SAMD5: variants seen among roughly 807,000 people sequenced by gnomAD.
SAMD5 encodes the protein sterile alpha motif domain-containing protein 5.
Under a neutral mutation model 11.3 loss-of-function variants are expected in SAMD5, and 13 were observed. That is an observed-to-expected ratio of 1.15 (90% CI 0.75 to 1.83). The LOEUF (loss-of-function observed/expected upper bound fraction) is 1.83. SAMD5 is among the 40% of genes most tolerant of loss of function. SAMD5 has a pLI of 0.00. For missense variants in SAMD5, 255 were observed against 239.1 expected, an observed-to-expected ratio of 1.07 and a Z score of -0.44; for synonymous variants, 129 against 111.3, an observed-to-expected ratio of 1.16 and a Z score of -1.00.
At chr6:147,932,588 TTGTGTGTGTGTG>T in the SAMD5 span, among the ~76,000 whole-genome samples, 9,587 of 131,120 alleles carry the variant, frequency 0.073, 622 homozygotes, top group African/African-American at 0.18. Context: ...TCTTACAGAA[TTGTGTGTGTGTG>T]TGTGTGTGTG....
At chr6:147,737,494 GT>G in exon 2 of SAMD5, 1 of 355,682 alleles carries the variant, frequency 2.8e-6, no homozygotes, top group South Asian at 2.3e-5. Context: ...TGAAGGCAGT[GT>G]TTGTATGATG....
chr6:147,881,004 T>A, the SAMD5 span, among the ~76,000 whole-genome samples: 2 of 152,278 alleles, frequency 1.3e-5, no homozygotes, highest in South Asian at 4.1e-4. Flanking sequence ...CCTTTTTAAC[T>A]TTTACTTGAG....
chr6:147,707,292 T>C (rs1791337037), intron 1 of SAMD5, among the ~76,000 whole-genome samples: 1 of 152,248 alleles, frequency 6.6e-6, no homozygotes. Flanking sequence ...GCTAGACTGA[T>C]TTTTTATGAC....
intron 1 of SAMD5, among the ~76,000 whole-genome samples, chr6:147,563,317 G>C (rs946453653): frequency 6.6e-6 from 1 of 152,180 alleles, no homozygotes; most frequent in African/African-American, 2.4e-5. Context: ...CTTTTAAAGA[G>C]TCTTGATGAT....
chr6:147,640,791 C>G (rs1399531031), intron 1 of SAMD5, among the ~76,000 whole-genome samples: 3 of 152,178 alleles, frequency 2.0e-5, no homozygotes, highest in Non-Finnish European at 4.4e-5. Flanking sequence ...CCAAGCCAAA[C>G]AGCCACAGGC....
In SAMD5 at chr6:147,672,094, C is replaced by T. The variant is rs1458163980; in HGVS notation, c.163-65223C>T. Among the ~76,000 whole-genome samples the T allele has an allele frequency of 2.6e-5, 4 of 151,822 alleles. No individual in the cohort carries two copies. In the East Asian group the frequency reaches 7.7e-4, roughly 29 times the overall value. ...GGAACATGGTTAACCTCTCTACTTACAGATTTTTATTTGTAGCTTTTTATA... is the reference window on the plus strand; with the variant it reads ...GGAACATGGTTAACCTCTCTACTTATAGATTTTTATTTGTAGCTTTTTATA... On this transcript the variant is annotated intron_variant, in intron 1 of 1. Coordinates refer to the SAMD5 transcript ENST00000566741.
chr6:147,634,171 C>A (rs190492144), intron 1 of SAMD5, among the ~76,000 whole-genome samples: 1 of 152,150 alleles, frequency 6.6e-6, no homozygotes, highest in African/African-American at 2.4e-5. Context: ...AAAGAACTAC[C>A]TGAGACTGGG....
At chr6:147,604,780 A>G (rs145862670) in intron 1 of SAMD5, among the ~76,000 whole-genome samples, 1 of 152,332 alleles carries the variant, frequency 6.6e-6, no homozygotes, top group African/African-American at 2.4e-5. Context: ...AGCTTTCTAC[A>G]TACGTCTTCT....
At chr6:147,862,503 C>T in the SAMD5 span, among the ~76,000 whole-genome samples, 5 of 152,182 alleles carry the variant, frequency 3.3e-5, no homozygotes, top group African/African-American at 1.2e-4. Context: ...TCCACGCACC[C>T]CCTCTGCTCT....
chr6:147,534,761 AGG>A (rs1788482815), intron 1 of SAMD5, among the ~76,000 whole-genome samples: 1 of 152,166 alleles, frequency 6.6e-6, no homozygotes, highest in South Asian at 2.1e-4. Flanking sequence ...CACTGATCTT[AGG>A]AGCAGTTCAG....
chr6:147,533,024 T>C (rs988343153), intron 1 of SAMD5, among the ~76,000 whole-genome samples: 2 of 152,078 alleles, frequency 1.3e-5, no homozygotes, highest in South Asian at 2.1e-4. Flanking sequence ...ACCTCCTGTG[T>C]TGTCCTCCCT....
At chr6:147,941,443 C>T in the SAMD5 span, among the ~76,000 whole-genome samples, 1 of 152,214 alleles carries the variant, frequency 6.6e-6, no homozygotes, top group Non-Finnish European at 1.5e-5. Flanking sequence ...CCAAACGTGC[C>T]TGCATTTGTA....
chr6:147,687,420 A>C (rs1328320004), intron 1 of SAMD5, among the ~76,000 whole-genome samples: 1 of 151,118 alleles, frequency 6.6e-6, no homozygotes, highest in Non-Finnish European at 1.5e-5. Context: ...GGGACCACAG[A>C]CATGCGCCAC....
At chr6:147,878,664 T>C in the SAMD5 span, among the ~76,000 whole-genome samples, 1 of 149,048 alleles carries the variant, frequency 6.7e-6, no homozygotes, top group Non-Finnish European at 1.5e-5. Context: ...CATGTATCTA[T>C]ATATCTATAT....
chr6:147,518,193 G>GT (rs1313622638), intron 1 of SAMD5, among the ~76,000 whole-genome samples: 1 of 152,178 alleles, frequency 6.6e-6, no homozygotes, highest in East Asian at 1.9e-4. Flanking sequence ...GATTTGGATA[G>GT]TGTAACGGTG....
At chr6:147,860,025 G>T in the SAMD5 span, among the ~76,000 whole-genome samples, 1 of 152,166 alleles carries the variant, frequency 6.6e-6, no homozygotes, top group Non-Finnish European at 1.5e-5. Flanking sequence ...AAGTGCCAGA[G>T]ATTGGGTGGC....
At chr6:147,732,705 T>C (rs1791736501) in intron 1 of SAMD5, among the ~76,000 whole-genome samples, 1 of 152,210 alleles carries the variant, frequency 6.6e-6, no homozygotes, top group Non-Finnish European at 1.5e-5. Flanking sequence ...GTATTTGTTT[T>C]TGGAATCTTG....
chr6:147,881,529 T>A, the SAMD5 span, among the ~76,000 whole-genome samples: 6 of 152,140 alleles, frequency 3.9e-5, no homozygotes, highest in Non-Finnish European at 7.4e-5. Context: ...GTGGCCTCCA[T>A]ACGGTAGAGG....
chr6:147,639,217 T>C (rs537136912), intron 1 of SAMD5, among the ~76,000 whole-genome samples: 9 of 152,220 alleles, frequency 5.9e-5, no homozygotes, highest in Non-Finnish European at 1.3e-4. Flanking sequence ...CAATTTGATG[T>C]AGTCTAAGCA....
Sources: allele counts gnomAD v4.1 joint callset (sites outside exome capture counted in the v4.1 genomes callset), GRCh38; gene constraint gnomAD v4.1.1; transcripts MANE v1.5; gene names NCBI Gene and HGNC (gene_info 2026-07-23, HGNC 2026-07-21).